The following HNRNPCL1 variants were observed in gnomAD, a reference collection of about 807,000 sequenced individuals.
HNRNPCL1 encodes heterogeneous nuclear ribonucleoprotein C like 1.
A neutral mutation model predicts 19.0 loss-of-function variants in HNRNPCL1; 15 were observed. The ratio of observed to expected loss-of-function variants is 0.79; its 90% CI spans 0.53 to 1.22. The LOEUF (loss-of-function observed/expected upper bound fraction) is 1.22, where lower values mean the gene tolerates loss of function less well. Ranked by LOEUF, HNRNPCL1 falls within the 50% of genes most tolerant of loss-of-function variation. HNRNPCL1 has a pLI of 0.00. For synonymous variants in HNRNPCL1, 110 were observed against 129.1 expected (o/e 0.85, Z 1.00); for missense variants, 327 against 354.7 (o/e 0.92, Z 0.63).
chr1:12,847,462 C>A lies in HNRNPCL1; in HGVS notation c.828G>T (p.Glu276Asp), dbSNP rs2359492. 13 of 1,606,738 alleles carry A rather than the reference C, an allele frequency of 8.1e-6. 1 individual carries two copies. Among genetic ancestry groups the A allele is most frequent in the Middle Eastern group, 1.6e-4 (1 of 6,078 alleles). ...CTCTGTCATCCTCTCCTTCCTCAGC[C>A]TCTTTTTCATCATCCTTGATCAACT... ...QLELIKDDEK[E>D]AEEGEDDRDS... The change falls in exon 2 of 2, where the codon GAG becomes GAT. Residue 276 changes from glutamate to aspartate, a missense_variant. Physicochemically the swap from Glu to Asp is conservative, Grantham distance 45. Coordinates refer to ENST00000317869, the MANE Select transcript of HNRNPCL1 (RefSeq NM_001013631.3).
chr1:12,847,731 A>T lies in HNRNPCL1; in HGVS notation c.559T>A (p.Leu187Met), dbSNP rs757077452. ...GDDLQAIKQE[L>M]TQIKQKVDSL... is the part of the protein sequence containing the mutation. ...TCCACTTTCTGTTTTATCTGGGTCA[A>T]CTCCTGCTTAATGGCCTGAAGGTCA... Residue 187 changes from leucine (L) to methionine (M), a missense_variant, in exon 2 of 2, where the codon TTG (leucine) becomes ATG (methionine). Physicochemically the swap from Leu to Met is conservative, Grantham distance 15. Around this residue, in one of 2 missense-constraint regions of HNRNPCL1, gnomAD observed 281 missense variants for 254.7 expected, o/e 1.10. Coordinates refer to ENST00000317869, the MANE Select transcript of HNRNPCL1 (RefSeq NM_001013631.3). 1 of 1,606,154 alleles carries T rather than the reference A, an allele frequency of 6.2e-7. No individual in the cohort carries two copies. Among genetic ancestry groups the T allele is most frequent in the Non-Finnish European group, 8.5e-7 (1 of 1,176,442 alleles).
At position 12,847,952 on chromosome 1, in the gene HNRNPCL1, T is replaced by C; in HGVS notation, c.338A>G (p.Tyr113Cys). 6.2e-7 allele frequency: 1 copy of C among 1,607,478 alleles called. No individual in the cohort carries two copies. Among genetic ancestry groups the C allele is most frequent in the Non-Finnish European group, 8.5e-7 (1 of 1,177,004 alleles). ...EMYGSSFDLD[Y>C]GFQRDYYDGM... ...ATCATAATAATCCCGTTGAAAGCCA[T>C]AGTCCAAGTCAAAAGAGGAGCCGTA... Residue 113 changes from tyrosine (Y) to cysteine (C), a missense_variant, in exon 2 of 2, where the codon TAT becomes TGT. Transcript: ENST00000317869.
At chr1:12,848,598 C>G (rs1640312360) in intron 1 of HNRNPCL1, 83 bp downstream of exon 1, 1 of 490,046 alleles carries the variant, frequency 2.0e-6, no homozygotes, top group African/African-American at 2.0e-5. Context: ...TAGTTCTGTG[C>G]CGTCGTAGGC....
chr1:12,847,527 C>A lies in HNRNPCL1; in HGVS notation c.763G>T (p.Asp255Tyr), dbSNP rs141207681. The change falls in exon 2 of 2, where the codon GAT (aspartate) becomes TAT (tyrosine). Residue 255 changes from aspartate to tyrosine, a missense_variant. Around this residue, in one of 2 missense-constraint regions of HNRNPCL1, gnomAD observed 281 missense variants for 254.7 expected, o/e 1.10. Coordinates refer to ENST00000317869, the MANE Select transcript of HNRNPCL1 (RefSeq NM_001013631.3). ...EDSAEEGDPL[D>Y]DDVNEDQGDD... ...CCCTGATCTTCATTAACATCATCAT[C>A]CAGTGGGTCCCCCTCCTCAGCAGAG... is the stretch of plus-strand genomic sequence containing the variant. The A allele has an allele frequency of 6.2e-7, 1 of 1,606,574 alleles. No individual in the cohort carries two copies. Among genetic ancestry groups the A allele is most frequent in the East Asian group, 2.2e-5 (1 of 44,678 alleles).
rs753383801 is a variant in HNRNPCL1 at position 12,848,243 on chromosome 1, G to T, written c.47C>A (p.Ser16Tyr). Residue 16 changes from serine (S) to tyrosine (Y), a missense_variant, in exon 2 of 2, where the codon TCC (serine) becomes TAC (tyrosine). Physicochemically the swap from Ser to Tyr is moderately radical, Grantham distance 144. Coordinates refer to ENST00000317869, the MANE Select transcript of HNRNPCL1 (RefSeq NM_001013631.3). ...TNKMDPHSMN[S>Y]RVFIGNLNTL... is the part of the protein sequence containing the mutation. The stretch of plus-strand genomic sequence containing the variant: ...GTTGAGATTCCCAATGAACACACGG[G>T]AGTTCATGGAGTGAGGATCCATCTT... 5 of 1,528,256 alleles carry T rather than the reference G, an allele frequency of 3.3e-6. 1 individual carries two copies. The East Asian group carries it at 9.3e-5, about 28-fold the overall frequency. The allele number at this position is 1,528,256 out of a possible 1,614,324, so 94.7% of individuals were successfully genotyped here. A position where few individuals can be genotyped will look rare whatever the true frequency, so the allele number is the denominator to read the frequency against.
chr1:12,848,275 A>G lies in HNRNPCL1; in HGVS notation c.15T>C (p.Val5=), dbSNP rs1460195987. ...TGGAGTGAGGATCCATCTTGTTGGT[A>G]ACGTTGCTGGCCATTGTGTTGGATG... The part of the protein sequence containing the change: MASN[V]TNKMDPHSMN... Residue 5 remains valine (V), a synonymous_variant, in exon 2 of 2, where the codon GTT becomes GTC. Coordinates refer to ENST00000317869, the MANE Select transcript of HNRNPCL1 (RefSeq NM_001013631.3). 2.7e-6 allele frequency: 4 copies of G among 1,480,882 alleles called. 1 individual carries two copies. Among genetic ancestry groups the G allele is most frequent in the Middle Eastern group, 1.8e-4 (1 of 5,552 alleles). The allele number at this position is 1,480,882 out of a possible 1,614,324, so 91.7% of individuals were successfully genotyped here. A position where few individuals can be genotyped will look rare whatever the true frequency, so the allele number is the denominator to read the frequency against.
rs1310417587 is a variant in HNRNPCL1 at position 12,847,589 on chromosome 1, G to C, written c.701C>G (p.Thr234Ser). ...QSSSSMKKDE[T>S]HVKMESEGGA... ...CCCCTCAGACTCCATCTTCACATGA[G>C]TCTCATCTTTCTTCATGGAGCTACT... The change falls in exon 2 of 2, where the codon ACT (threonine) becomes AGT (serine). Residue 234 changes from threonine (T) to serine (S), a missense_variant. Physicochemically the swap from Thr to Ser is moderately conservative, Grantham distance 58 (BLOSUM62 1). Around this residue, in one of 2 missense-constraint regions of HNRNPCL1, gnomAD observed 281 missense variants for 254.7 expected, o/e 1.10. Transcript: ENST00000317869. 3.1e-6 allele frequency: 5 copies of C among 1,606,450 alleles called. No homozygotes were observed. In the East Asian group the frequency reaches 1.1e-4, roughly 36 times the overall value.
At position 12,847,483 on chromosome 1, in the gene HNRNPCL1, C is replaced by T. The variant is rs1383560925; in HGVS notation, c.807G>A (p.Leu269=). The part of the protein sequence containing the change: ...NEDQGDDQLE[L]IKDDEKEAEE... ...CAGCCTCTTTTTCATCATCCTTGAT[C>T]AACTCCAGCTGGTCATCCCCCTGAT... The change falls in exon 2 of 2, where the codon TTG becomes TTA. Residue 269 remains leucine (L), a synonymous_variant. Transcript: ENST00000317869. 4.4e-6 allele frequency: 7 copies of T among 1,606,694 alleles called. No homozygotes were observed. The highest frequency in any genetic ancestry group is 5.9e-6 in the Non-Finnish European group (7 of 1,176,690).
Position 12,848,236 on chromosome 1 carries a change from C to G in HNRNPCL1, c.54G>C (p.Val18=). The G allele has an allele frequency of 1.2e-5, 18 of 1,544,990 alleles. No individual in the cohort carries two copies. Among genetic ancestry groups the G allele is most frequent in the Non-Finnish European group, 1.5e-5 (17 of 1,142,370 alleles). Residue 18 remains valine, a synonymous_variant, in exon 2 of 2, where the codon GTG becomes GTC. Transcript: ENST00000317869. ...CAAGAGTGTTGAGATTCCCAATGAACACACGGGAGTTCATGGAGTGAGGAT... is the reference window on the plus strand; with the variant it reads ...CAAGAGTGTTGAGATTCCCAATGAAGACACGGGAGTTCATGGAGTGAGGAT... ...KMDPHSMNSR[V]FIGNLNTLVV...
chr1:12,848,473 G>A lies in HNRNPCL1; in HGVS notation c.-181-3C>T, dbSNP rs1640310096. ...CAAAATGGCTCCCAACAAGAATTCT[G>A]AAATGATGTAAAGAAAAGCACAACA... On this transcript the variant is annotated splice_polypyrimidine_tract_variant and splice_region_variant and intron_variant, in intron 1 of 1. Coordinates refer to ENST00000317869, the MANE Select transcript of HNRNPCL1 (RefSeq NM_001013631.3). The A allele has an allele frequency of 9.8e-7, 1 of 1,018,228 alleles. No individual in the cohort carries two copies. Among genetic ancestry groups the A allele is most frequent in the East Asian group, 2.7e-5 (1 of 37,562 alleles). 63.1% of individuals were successfully genotyped at this position (1,018,228 alleles called of 1,614,324 possible).
intron 1 of HNRNPCL1, 92 bp from the exon 2 acceptor site, chr1:12,848,562 TG>T: frequency 4.3e-6 from 3 of 693,508 alleles, no homozygotes; most frequent in Non-Finnish European, 6.7e-6. Context: ...AGTGTTCATA[TG>T]AAAAAAAGAA....
chr1:12,847,720 T>C lies in HNRNPCL1; in HGVS notation c.570A>G (p.Ile190Met). ...CCAGGAGAGAATCCACTTTCTGTTTTATCTGGGTCAACTCCTGCTTAATGG... is the reference window on the plus strand; with the variant it reads ...CCAGGAGAGAATCCACTTTCTGTTTCATCTGGGTCAACTCCTGCTTAATGG... Reference protein sequence around the residue: ...LQAIKQELTQIKQKVDSLLEN... With the variant: ...LQAIKQELTQMKQKVDSLLEN... Residue 190 changes from isoleucine (I) to methionine (M), a missense_variant, in exon 2 of 2, where the codon ATA becomes ATG. Ile to Met is a conservative substitution (Grantham distance 10, BLOSUM62 1). This residue lies in a region of HNRNPCL1 where 281 missense variants were observed against 254.7 expected (regional missense o/e 1.10). Transcript: ENST00000317869. 6.2e-7 allele frequency: 1 copy of C among 1,606,814 alleles called. No homozygotes were observed. Among genetic ancestry groups the C allele is most frequent in the Non-Finnish European group, 8.5e-7 (1 of 1,176,592 alleles).
rs781198391 is a variant in HNRNPCL1 at position 12,848,198 on chromosome 1, G to A, written c.92C>T (p.Ser31Leu). ...CTTGGAAAAGATCGCCTCCACATCC[G>A]ATTTCTTGACAACAAGAGTGTTGAG... ...GNLNTLVVKK[S>L]DVEAIFSKYG... is the part of the protein sequence containing the mutation. The change falls in exon 2 of 2, where the codon TCG (serine) becomes TTG (leucine). Residue 31 changes from serine (S) to leucine (L), a missense_variant. By Grantham distance (145) the Ser-to-Leu change is moderately radical. Transcript: ENST00000317869. 2.5e-6 allele frequency: 4 copies of A among 1,577,216 alleles called. No homozygotes were observed. The highest frequency in any genetic ancestry group is 3.4e-6 in the Non-Finnish European group (4 of 1,159,598).
In HNRNPCL1 at chr1:12,848,698, T is replaced by TAGACCTCTGGTTGTAGTTGTAGCTC. The variant is rs1640315080; in HGVS notation, c.-200_-199insGAGCTACAACTACAACCAGAGGTCT. The TAGACCTCTGGTTGTAGTTGTAGCTC allele has an allele frequency of 4.8e-6, 1 of 206,670 alleles. No homozygotes were observed. Among genetic ancestry groups the TAGACCTCTGGTTGTAGTTGTAGCTC allele is most frequent in the East Asian group, 1.2e-4 (1 of 8,508 alleles). 12.8% of individuals were successfully genotyped at this position (206,670 alleles called of 1,614,324 possible). On this transcript the variant is annotated 5_prime_UTR_variant, in exon 1 of 2. Transcript: ENST00000317869. ...TGACTTACCAGATCTGGTTGTAGTT[T>TAGACCTCTGGTTGTAGTTGTAGCTC]AGACCTCTGGTTGTAGTTGTAGCTC...
chr1:12,847,710 C>T lies in HNRNPCL1; in HGVS notation c.580G>A (p.Val194Met). ...TCCAGGTTTTCCAGGAGAGAATCCA[C>T]TTTCTGTTTTATCTGGGTCAACTCC... ...KQELTQIKQK[V>M]DSLLENLEKI... The change falls in exon 2 of 2, where the codon GTG becomes ATG. Residue 194 changes from valine (V) to methionine (M), a missense_variant. Val to Met is a conservative substitution (Grantham distance 21). Around this residue, in one of 2 missense-constraint regions of HNRNPCL1, gnomAD observed 281 missense variants for 254.7 expected, o/e 1.10. Coordinates refer to ENST00000317869, the MANE Select transcript of HNRNPCL1 (RefSeq NM_001013631.3). The T allele has an allele frequency of 2.5e-6, 4 of 1,606,646 alleles. 1 individual carries two copies. The highest frequency in any genetic ancestry group is 3.4e-6 in the Non-Finnish European group (4 of 1,176,532).
chr1:12,847,726 G>A lies in HNRNPCL1; in HGVS notation c.564C>T (p.Thr188=). ...DDLQAIKQEL[T]QIKQKVDSLL... ...GAGAATCCACTTTCTGTTTTATCTG[G>A]GTCAACTCCTGCTTAATGGCCTGAA... Residue 188 remains threonine, a synonymous_variant, in exon 2 of 2, where the codon ACC becomes ACT. Transcript: ENST00000317869. 6.2e-7 allele frequency: 1 copy of A among 1,606,308 alleles called. No individual in the cohort carries two copies. Among genetic ancestry groups the A allele is most frequent in the Non-Finnish European group, 8.5e-7 (1 of 1,176,454 alleles).
chr1:12,848,013 C>T lies in HNRNPCL1; in HGVS notation c.277G>A (p.Gly93Arg). 1.2e-6 allele frequency: 2 copies of T among 1,607,506 alleles called. No homozygotes were observed. The highest frequency in any genetic ancestry group is 2.2e-5 in the South Asian group (2 of 90,676). The change falls in exon 2 of 2, where the codon GGA becomes AGA. Residue 93 changes from glycine (G) to arginine (R), a missense_variant. Physicochemically the swap from Gly to Arg is moderately radical, Grantham distance 125. Around this residue, in one of 2 missense-constraint regions of HNRNPCL1, gnomAD observed 281 missense variants for 254.7 expected, o/e 1.10. Coordinates refer to ENST00000317869, the MANE Select transcript of HNRNPCL1 (RefSeq NM_001013631.3). ...GCTGATCGTTTCACACCTGCGTTTC[C>T]TCGGTTCACTTTTGGCTCCGCAGCC... Reference protein sequence around the residue: ...NLAAEPKVNRGNAGVKRSAAE... With the variant: ...NLAAEPKVNRRNAGVKRSAAE...
Position 12,847,660 on chromosome 1 carries a change from T to C in HNRNPCL1, c.630A>G (p.Lys210=), listed in dbSNP as rs201121299. Residue 210 remains lysine, a synonymous_variant, in exon 2 of 2, where the codon AAA becomes AAG. Coordinates refer to ENST00000317869, the MANE Select transcript of HNRNPCL1 (RefSeq NM_001013631.3). ...NLEKIEKEQS[K]QEVEVKNAKS... ...TAGCATTTTTCACCTCTACCTCTTG[T>C]TTGCTCTGTTCCTTTTCAATTTTTT... 6.2e-7 allele frequency: 1 copy of C among 1,606,666 alleles called. No individual in the cohort carries two copies. The highest frequency in any genetic ancestry group is 8.5e-7 in the Non-Finnish European group (1 of 1,176,518).
At position 12,848,137 on chromosome 1, in the gene HNRNPCL1, G is replaced by T. The variant is rs1323658228; in HGVS notation, c.153C>A (p.Gly51=). The part of the protein sequence containing the change: ...GKIAGCSVHK[G]FAFVQYDKEK... Reference sequence around the variant, plus strand: ...CCTTATCATATTGAACGAAGGCAAAGCCCTTATGAACAGAGCAGCCCGCAA... The same window carrying T: ...CCTTATCATATTGAACGAAGGCAAATCCCTTATGAACAGAGCAGCCCGCAA... The change falls in exon 2 of 2, where the codon GGC becomes GGA. Residue 51 remains glycine (G), a synonymous_variant. Transcript: ENST00000317869. The T allele has an allele frequency of 6.2e-7, 1 of 1,600,142 alleles. No individual in the cohort carries two copies. Among genetic ancestry groups the T allele is most frequent in the Non-Finnish European group, 8.5e-7 (1 of 1,173,414 alleles).
Sources: gnomAD v4.1 joint callset for allele counts on GRCh38, gnomAD v4.1.1 for gene constraint, gnomAD v4.1.1 regional missense constraint, MANE v1.5 for transcripts, NCBI Gene and HGNC (gene_info 2026-07-23, HGNC 2026-07-21) for gene names.